Variants in KCND2 observed in about 807,000 individuals in gnomAD.
KCND2 encodes the protein potassium voltage-gated channel subfamily D member 2.
KCND2 carries 16 observed loss-of-function variants against 54.4 expected under a neutral mutation model. That is an observed-to-expected ratio of 0.29 (90% CI 0.20 to 0.45). The LOEUF (loss-of-function observed/expected upper bound fraction) is 0.45. KCND2 is among the 20% of genes least tolerant of loss of function. The pLI, the probability that KCND2 is intolerant of heterozygous loss-of-function variation, is 1.00. For synonymous variants in KCND2, 317 were observed against 310.7 expected, an observed-to-expected ratio of 1.02 and a Z score of -0.21; for missense variants, 486 against 824.2, an observed-to-expected ratio of 0.59 and a Z score of 5.02.
At chr7:120,638,770 C>A (rs2116526504) in intron 1 of KCND2, among the ~76,000 whole-genome samples, 1 of 152,126 alleles carries the variant, frequency 6.6e-6, no homozygotes, top group African/African-American at 2.4e-5. Flanking sequence ...TACTTTCATG[C>A]AGAAAGTATT....
At chr7:120,738,038 A>G (rs1229449558) in intron 2 of KCND2, among the ~76,000 whole-genome samples, 1 of 151,918 alleles carries the variant, frequency 6.6e-6, no homozygotes, top group African/African-American at 2.4e-5. Context: ...CTGTTCCACA[A>G]CATAAACTAT....
chr7:120,373,673 G>T (rs1415379185), intron 1 of KCND2, among the ~76,000 whole-genome samples: 1 of 151,756 alleles, frequency 6.6e-6, no homozygotes, highest in Non-Finnish European at 1.5e-5. Context: ...TGAATGTATA[G>T]ACCCATGGAT....
Position 120,747,798 on chromosome 7 carries a change from C to T in KCND2, c.1833C>T (p.Asp611=), listed in dbSNP as rs751906335. The T allele has an allele frequency of 9.3e-6, 15 of 1,612,332 alleles. No individual in the cohort carries two copies. Among genetic ancestry groups the T allele is most frequent in the Admixed American group, 6.7e-5 (4 of 59,836 alleles). The change falls in exon 6 of 6, where the codon GAC becomes GAT. Residue 611 remains aspartate (D), a synonymous_variant. Coordinates refer to ENST00000331113, the MANE Select transcript of KCND2 (RefSeq NM_012281.3). Reference sequence around the variant, plus strand: ...CTCCAGTAACCACACCAGAAGGAGACGATAGGCCAGAATCCCCTGAGTACT... The same window carrying T: ...CTCCAGTAACCACACCAGAAGGAGATGATAGGCCAGAATCCCCTGAGTACT... ...PTPPVTTPEG[D]DRPESPEYSG...
intron 1 of KCND2, among the ~76,000 whole-genome samples, chr7:120,571,108 G>A (rs1023560119): frequency 2.0e-5 from 3 of 152,220 alleles, no homozygotes; most frequent in Middle Eastern, 3.4e-3. Context: ...GAAACAGATC[G>A]TGTAAGTACT....
chr7:120,667,878 A>G (rs1039891330), intron 1 of KCND2, among the ~76,000 whole-genome samples: 1 of 152,078 alleles, frequency 6.6e-6, no homozygotes, highest in Non-Finnish European at 1.5e-5. Flanking sequence ...AGAAACAAAT[A>G]TTCTTCTCAG....
intron 1 of KCND2, among the ~76,000 whole-genome samples, chr7:120,487,354 A>G (rs1006883538): frequency 7.2e-5 from 11 of 152,220 alleles, no homozygotes; most frequent in Admixed American, 7.2e-4. Flanking sequence ...ACAATTTAAA[A>G]AATGGAATAA....
intron 1 of KCND2, among the ~76,000 whole-genome samples, chr7:120,390,243 T>A (rs971481066): frequency 7.2e-5 from 11 of 151,902 alleles, no homozygotes; most frequent in African/African-American, 2.7e-4. Context: ...ATAAATATAG[T>A]ATGTACTAGC....
intron 1 of KCND2, among the ~76,000 whole-genome samples, chr7:120,328,636 A>T (rs973291583): frequency 6.6e-6 from 1 of 152,132 alleles, no homozygotes; most frequent in Non-Finnish European, 1.5e-5. Flanking sequence ...ATTAACACCA[A>T]AGAAAGGGAG....
intron 1 of KCND2, among the ~76,000 whole-genome samples, chr7:120,694,200 A>G: frequency 6.6e-6 from 1 of 152,278 alleles, no homozygotes; most frequent in Middle Eastern, 3.4e-3. Context: ...AATTGTCTTC[A>G]TTTCCCAGAA....
At chr7:120,743,925 TAA>T (rs1792972892) in intron 4 of KCND2, among the ~76,000 whole-genome samples, 1 of 152,216 alleles carries the variant, frequency 6.6e-6, no homozygotes, top group Non-Finnish European at 1.5e-5. Context: ...GACAGGTCTG[TAA>T]CCTAGTAGGA....
At chr7:120,649,036 C>T (rs936505869) in intron 1 of KCND2, among the ~76,000 whole-genome samples, 3 of 152,150 alleles carry the variant, frequency 2.0e-5, no homozygotes, top group East Asian at 1.9e-4. Context: ...TTCATAGTCT[C>T]ATTGACACAG....
At chr7:120,525,312 A>G (rs1054662572) in intron 1 of KCND2, among the ~76,000 whole-genome samples, 25 of 152,294 alleles carry the variant, frequency 1.6e-4, no homozygotes, top group African/African-American at 5.1e-4. Context: ...TTACATTCTA[A>G]GCCTAAGTCA....
intron 1 of KCND2, among the ~76,000 whole-genome samples, chr7:120,338,182 T>C (rs141189545): frequency 3.9e-5 from 6 of 152,324 alleles, no homozygotes; most frequent in African/African-American, 1.4e-4. Flanking sequence ...AATTCATTTG[T>C]GTCTTAGTGT....
At chr7:120,453,890 TC>T (rs1584785488) in intron 1 of KCND2, among the ~76,000 whole-genome samples, 1 of 152,096 alleles carries the variant, frequency 6.6e-6, no homozygotes, top group East Asian at 1.9e-4. Context: ...ATCGAGACCA[TC>T]CTGGCTAACA....
chr7:120,677,532 T>C (rs958838922), intron 1 of KCND2, among the ~76,000 whole-genome samples: 1 of 138,154 alleles, frequency 7.2e-6, no homozygotes, highest in Non-Finnish European at 1.5e-5. Flanking sequence ...TATATATAGA[T>C]ATAGATATAG....
intron 1 of KCND2, among the ~76,000 whole-genome samples, chr7:120,671,167 A>G (rs963126509): frequency 6.6e-6 from 1 of 151,970 alleles, no homozygotes; most frequent in Non-Finnish European, 1.5e-5. Context: ...TTCTCCACAA[A>G]TGCCATAGAT....
At chr7:120,696,069 A>T (rs1291882415) in intron 1 of KCND2, among the ~76,000 whole-genome samples, 1 of 152,208 alleles carries the variant, frequency 6.6e-6, no homozygotes, top group African/African-American at 2.4e-5. Flanking sequence ...GCCAGCCAGA[A>T]ACGTCATTAT....
intron 1 of KCND2, among the ~76,000 whole-genome samples, chr7:120,674,621 A>T (rs1562905622): frequency 2.0e-5 from 3 of 152,222 alleles, no homozygotes; most frequent in Non-Finnish European, 4.4e-5. Flanking sequence ...ATTTTCAGAT[A>T]AACACCCTAA....
chr7:120,364,212 C>T (rs990643644), intron 1 of KCND2, among the ~76,000 whole-genome samples: 2 of 152,160 alleles, frequency 1.3e-5, no homozygotes, highest in South Asian at 2.1e-4. Flanking sequence ...TTAACACTGA[C>T]ATCAATTTTG....
Sources: allele counts gnomAD v4.1 joint callset (sites outside exome capture counted in the v4.1 genomes callset), GRCh38; gene constraint gnomAD v4.1.1; transcripts MANE v1.5; gene names NCBI Gene and HGNC (gene_info 2026-07-23, HGNC 2026-07-21).